Variants in DHDDS observed in about 807,000 individuals in gnomAD.
DHDDS encodes dehydrodolichyl diphosphate synthase subunit.
A neutral mutation model predicts 46.2 loss-of-function variants in DHDDS; 16 were observed. That is an observed-to-expected ratio of 0.35 (90% confidence interval 0.23 to 0.53). DHDDS has a LOEUF of 0.53. Among genes scored for constraint, DHDDS ranks in the 20% least tolerant of loss-of-function variants. The pLI, the probability that DHDDS is intolerant of heterozygous loss-of-function variation, is 0.94. For synonymous variants in DHDDS, 151 were observed against 163.1 expected, an observed-to-expected ratio of 0.93 and a Z score of 0.56; for missense variants, 340 against 423.7, an observed-to-expected ratio of 0.80 and a Z score of 1.73.
At chr1:26,432,851 A>C in intron 1 of DHDDS, 40 bp from the exon 2 acceptor site, 6 of 1,394,542 alleles carry the variant, frequency 4.3e-6, no homozygotes, top group Non-Finnish European at 6.1e-6. Context: ...GCTCTTCGCA[A>C]ACCTTGGTGA....
At chr1:26,438,726 GA>G (rs1003732678) in intron 3 of DHDDS, 52 of 155,272 alleles carry the variant, frequency 3.3e-4, no homozygotes, top group South Asian at 8.0e-4. Context: ...ACCATCTCAA[GA>G]AAAAAAAAAT....
At chr1:26,455,253 G>A (rs564633028) in intron 6 of DHDDS, 20 of 620,662 alleles carry the variant, frequency 3.2e-5, no homozygotes, top group African/African-American at 3.1e-4. Context: ...ATAAGAGAAT[G>A]AGAAATTATA....
chr1:26,442,617 G>A, intron 3 of DHDDS, 114 bp from the exon 4 acceptor site: 2 of 1,248,988 alleles, frequency 1.6e-6, no homozygotes, highest in South Asian at 2.4e-5. Context: ...CCAGCTTTGG[G>A]GAGGAGAAAA....
chr1:26,459,295 AGGCTATC>A (rs144167020), intron 7 of DHDDS, among the ~76,000 whole-genome samples: 8,546 of 152,270 alleles, frequency 0.056, 271 homozygotes, highest in Admixed American at 0.094. Context: ...AAAGCCAAAC[AGGCTATC>A]GGACAACTAG....
chr1:26,462,128 G>T (rs1184957090), intron 8 of DHDDS, among the ~76,000 whole-genome samples: 1 of 150,888 alleles, frequency 6.6e-6, no homozygotes, highest in Non-Finnish European at 1.5e-5. Context: ...TGCAACTTTG[G>T]CTTACTTCAG....
In DHDDS at chr1:26,468,980, A is replaced by G. The variant is rs1448050850; in HGVS notation, c.851A>G (p.Glu284Gly). The change falls in exon 9 of 9, where the codon GAG becomes GGG. Residue 284 changes from glutamate to glycine, a missense_variant. Physicochemically the swap from Glu to Gly is moderately conservative, Grantham distance 98. This residue lies in a region of DHDDS where 268 missense variants were observed against 300.3 expected (regional missense o/e 0.89). Coordinates refer to ENST00000236342, the MANE Select transcript of DHDDS (RefSeq NM_205861.3). ...ACAGTGACAGAGCAGCTGCTGCGAG[A>G]GGGGCTCCAAGCCAGTGGGGACGCC... ...QATVTEQLLR[E>G]GLQASGDAQL... 9.3e-6 allele frequency: 15 copies of G among 1,614,108 alleles called. No individual in the cohort carries two copies. The highest frequency in any genetic ancestry group is 1.2e-5 in the Non-Finnish European group (14 of 1,180,028).
chr1:26,455,115 A>T, intron 6 of DHDDS: 1 of 790,518 alleles, frequency 1.3e-6, no homozygotes. Context: ...TTCTTAAAGT[A>T]AACACGAAGA....
rs975235429 is a variant in DHDDS, at chr1:26,432,394, G to C, written c.-56+18G>C. Reference sequence around the variant, plus strand: ...CTAATCAGGTGCCACTGAACTGAAGGGGTGAACTAGAGGAGAAGAGGGTGA... The same window carrying C: ...CTAATCAGGTGCCACTGAACTGAAGCGGTGAACTAGAGGAGAAGAGGGTGA... On this transcript the variant is annotated intron_variant, in intron 1 of 8. Transcript: ENST00000236342. 1 of 160,016 alleles carries C rather than the reference G, an allele frequency of 6.2e-6. No individual in the cohort carries two copies. The highest frequency in any genetic ancestry group is 2.4e-5 in the African/African-American group (1 of 41,530). The allele number at this position is 160,016 out of a possible 1,614,324, so 9.9% of individuals were successfully genotyped here.
intron 2 of DHDDS, among the ~76,000 whole-genome samples, chr1:26,436,731 A>T (rs1009358791): frequency 2.0e-5 from 3 of 151,792 alleles, no homozygotes; most frequent in Non-Finnish European, 4.4e-5. Context: ...CCTGAGTAAG[A>T]CCCTGTTTCA....
At position 26,443,116 on chromosome 1, in the gene DHDDS, A is replaced by T. The variant is rs1027514692; in HGVS notation, c.323+243A>T. The T allele has an allele frequency of 8.7e-5, 51 of 585,422 alleles. No individual in the cohort carries two copies. In the South Asian group the frequency reaches 9.9e-4, roughly 11 times the overall value. 36.3% of individuals were successfully genotyped at this position (585,422 alleles called of 1,614,324 possible). On this transcript the variant is annotated intron_variant, in intron 4 of 8. Coordinates refer to ENST00000236342, the MANE Select transcript of DHDDS (RefSeq NM_205861.3). ...AGGGGTGTCACATGATTTAAGAACA[A>T]GTACAGCCAGCCTCAAGCAAAACTG...
At chr1:26,452,825 A>G (rs1448362367) in intron 6 of DHDDS, among the ~76,000 whole-genome samples, 2 of 152,132 alleles carry the variant, frequency 1.3e-5, no homozygotes, top group African/African-American at 2.4e-5. Context: ...TTAGATGGAC[A>G]TGGTGACTTA....
chr1:26,443,508 G>T (rs2075238565), intron 4 of DHDDS, among the ~76,000 whole-genome samples: 1 of 152,214 alleles, frequency 6.6e-6, no homozygotes, highest in Non-Finnish European at 1.5e-5. Flanking sequence ...AAGCCAGAGA[G>T]GGGCAAAGAC....
intron 8 of DHDDS, among the ~76,000 whole-genome samples, chr1:26,464,481 C>A (rs1285019490): frequency 3.3e-5 from 5 of 152,144 alleles, no homozygotes; most frequent in Non-Finnish European, 7.4e-5. Context: ...TATCTTGAAG[C>A]CTTCTCCAGC....
chr1:26,452,686 A>G (rs1014876307), intron 6 of DHDDS, among the ~76,000 whole-genome samples: 4 of 152,238 alleles, frequency 2.6e-5, no homozygotes, highest in African/African-American at 9.6e-5. Flanking sequence ...GTGCAAGTTC[A>G]CATAGTTGGC....
chr1:26,458,737 C>CAAAAAAAA (rs11381495), intron 7 of DHDDS, among the ~76,000 whole-genome samples: 2 of 71,682 alleles, frequency 2.8e-5, no homozygotes, highest in African/African-American at 5.8e-5. Flanking sequence ...GACTCTGTCG[C>CAAAAAAAA]AAAAAAAAAA....
chr1:26,454,099 G>A (rs1462853597), intron 6 of DHDDS, among the ~76,000 whole-genome samples: 1 of 151,988 alleles, frequency 6.6e-6, no homozygotes, highest in Non-Finnish European at 1.5e-5. Context: ...GACTACAGGC[G>A]CCCACCACCA....
At chr1:26,468,820 CCT>C in intron 8 of DHDDS, 73 bp from the exon 9 acceptor site, 1 of 1,536,134 alleles carries the variant, frequency 6.5e-7, no homozygotes, top group Admixed American at 1.7e-5. Flanking sequence ...TGCCCCACCC[CCT>C]ACCTCCTCCA....
intron 8 of DHDDS, 85 bp from the exon 9 acceptor site, chr1:26,468,810 T>TTCCCCCC: frequency 9.8e-6 from 12 of 1,229,668 alleles, no homozygotes; most frequent in Non-Finnish European, 1.4e-5. Context: ...GCCCACCCTG[T>TTCCCCCC]GCCCCACCCC....
chr1:26,439,167 G>T (rs2075192673), intron 3 of DHDDS, among the ~76,000 whole-genome samples: 1 of 152,088 alleles, frequency 6.6e-6, no homozygotes, highest in African/African-American at 2.4e-5. Flanking sequence ...CTGACCTCAG[G>T]TGATCCACCC....
Sources: allele counts gnomAD v4.1 joint callset (sites outside exome capture counted in the v4.1 genomes callset), GRCh38; gene constraint gnomAD v4.1.1; regional missense constraint gnomAD v4.1.1; transcripts MANE v1.5; gene names NCBI Gene and HGNC (gene_info 2026-07-23, HGNC 2026-07-21).